Variants in VWC2L observed in about 807,000 individuals in gnomAD.
VWC2L encodes the protein von Willebrand factor C domain-containing protein 2-like.
VWC2L carries 10 observed loss-of-function variants against 21.6 expected under a neutral mutation model. That is an observed-to-expected ratio of 0.46 (90% confidence interval 0.29 to 0.78). The LOEUF (loss-of-function observed/expected upper bound fraction) is 0.78. VWC2L is among the 30% of genes least tolerant of loss of function. The probability of loss-of-function intolerance (pLI) is 0.10; values close to 1 mark genes in which losing one functional copy is unlikely to be tolerated. For missense variants in VWC2L, 209 were observed against 277.1 expected, an observed-to-expected ratio of 0.75 and a Z score of 1.74; for synonymous variants, 96 against 94.3, an observed-to-expected ratio of 1.02 and a Z score of -0.10.
At chr2:214,454,597 TC>T (rs1299413609) in intron 3 of VWC2L, among the ~76,000 whole-genome samples, 8 of 134,560 alleles carry the variant, frequency 5.9e-5, no homozygotes, top group Non-Finnish European at 9.4e-5. Flanking sequence ...TGATTGATTT[TC>T]TTTTTTTTTT....
At chr2:214,480,952 T>A (rs1302150041) in intron 3 of VWC2L, among the ~76,000 whole-genome samples, 1 of 150,540 alleles carries the variant, frequency 6.6e-6, no homozygotes, top group Non-Finnish European at 1.5e-5. Context: ...TAATCTCTGC[T>A]GCAAAAGATG....
chr2:214,464,943 C>T (rs1314386256), intron 3 of VWC2L, among the ~76,000 whole-genome samples: 1 of 152,204 alleles, frequency 6.6e-6, no homozygotes, highest in Admixed American at 6.5e-5. Flanking sequence ...CAATTACTGT[C>T]TGGCTACTGT....
At chr2:214,562,013 T>C (rs1689983150) in intron 3 of VWC2L, among the ~76,000 whole-genome samples, 1 of 152,036 alleles carries the variant, frequency 6.6e-6, no homozygotes, top group South Asian at 2.1e-4. Flanking sequence ...TAAAGGTCTG[T>C]GGTACATGTA....
chr2:214,513,342 G>T (rs114253323), intron 3 of VWC2L, among the ~76,000 whole-genome samples: 1 of 152,122 alleles, frequency 6.6e-6, no homozygotes, highest in Non-Finnish European at 1.5e-5. Context: ...TGCAAGCCAG[G>T]CAAATAGTTT....
At position 214,563,546 on chromosome 2, in the gene VWC2L, C is replaced by CAAAAAAAAAAAAAAAAA. The variant is rs55864016; in HGVS notation, c.521-12107_521-12091dup. On this transcript the variant is annotated intron_variant, in intron 3 of 3. Transcript: ENST00000312504. ...TGGGTGACACAGCAAGACTCCGTCT[C>CAAAAAAAAAAAAAAAAA]AAAAAAAAAAAAAAAAAAAAAAAAA... is the stretch of plus-strand genomic sequence containing the variant. 2.2e-3 allele frequency among the ~76,000 whole-genome samples: 208 copies of CAAAAAAAAAAAAAAAAA among 95,816 alleles called. 8 individuals are homozygous for CAAAAAAAAAAAAAAAAA. Among genetic ancestry groups the CAAAAAAAAAAAAAAAAA allele is most frequent in the Non-Finnish European group, 2.7e-3 (132 of 48,188 alleles). The allele number at this position is 95,816 out of a possible 152,430, so 62.9% of individuals were successfully genotyped here.
intron 1 of VWC2L, 65 bp from the exon 2 acceptor site, chr2:214,414,049 G>C: frequency 1.1e-6 from 1 of 906,698 alleles, no homozygotes; most frequent in South Asian, 2.0e-5. Context: ...TAAGAGCGTG[G>C]GCTTAAATGA....
intron 3 of VWC2L, among the ~76,000 whole-genome samples, chr2:214,488,123 T>C (rs542880490): frequency 4.6e-5 from 7 of 152,278 alleles, no homozygotes; most frequent in African/African-American, 1.4e-4. Flanking sequence ...AATTCTATCC[T>C]CTCCTCCACC....
intron 3 of VWC2L, among the ~76,000 whole-genome samples, chr2:214,548,693 T>A (rs1027064240): frequency 6.6e-6 from 1 of 152,210 alleles, no homozygotes; most frequent in African/African-American, 2.4e-5. Context: ...GGTGGCCAAC[T>A]ATTTTAACTC....
intron 2 of VWC2L, among the ~76,000 whole-genome samples, chr2:214,435,492 T>C (rs1043941679): frequency 6.6e-6 from 1 of 152,058 alleles, no homozygotes; most frequent in Non-Finnish European, 1.5e-5. Flanking sequence ...AGTTGAAGGG[T>C]TTCCACTATA....
At chr2:214,413,034 C>T (rs1227970592) in intron 1 of VWC2L, among the ~76,000 whole-genome samples, 4 of 152,088 alleles carry the variant, frequency 2.6e-5, no homozygotes, top group Non-Finnish European at 4.4e-5. Flanking sequence ...ACTCCCAACA[C>T]TTCACATCAA....
intron 3 of VWC2L, among the ~76,000 whole-genome samples, chr2:214,565,784 T>C (rs572729562): frequency 6.6e-6 from 1 of 152,294 alleles, no homozygotes; most frequent in East Asian, 1.9e-4. Context: ...TTCTAAGTGC[T>C]TTGCATATGT....
intron 2 of VWC2L, among the ~76,000 whole-genome samples, chr2:214,418,554 C>T (rs1016896994): frequency 1.3e-5 from 2 of 152,174 alleles, no homozygotes; most frequent in Non-Finnish European, 2.9e-5. Context: ...CCACTCGTCT[C>T]TTCCATTAGT....
intron 3 of VWC2L, among the ~76,000 whole-genome samples, chr2:214,571,902 T>A (rs1690155270): frequency 6.6e-6 from 1 of 152,156 alleles, no homozygotes; most frequent in African/African-American, 2.4e-5. Context: ...TTCTCCACAG[T>A]CAGCCTCCCC....
At chr2:214,517,542 C>T (rs973032506) in intron 3 of VWC2L, among the ~76,000 whole-genome samples, 1 of 152,144 alleles carries the variant, frequency 6.6e-6, no homozygotes, top group African/African-American at 2.4e-5. Flanking sequence ...CAGTTGATTA[C>T]ACTGTGGGAC....
At chr2:214,519,808 G>T (rs959278431) in intron 3 of VWC2L, among the ~76,000 whole-genome samples, 1 of 152,026 alleles carries the variant, frequency 6.6e-6, no homozygotes, top group African/African-American at 2.4e-5. Context: ...ACTCCCCCTA[G>T]GTTCACACGC....
intron 3 of VWC2L, among the ~76,000 whole-genome samples, chr2:214,515,762 T>C (rs1574609732): frequency 6.6e-6 from 1 of 152,146 alleles, no homozygotes; most frequent in South Asian, 2.1e-4. Context: ...ACCATGTTGG[T>C]CAGGCAGGTC....
intron 3 of VWC2L, among the ~76,000 whole-genome samples, chr2:214,486,420 CCTTCT>C (rs1365201186): frequency 2.0e-5 from 3 of 152,156 alleles, no homozygotes; most frequent in African/African-American, 7.2e-5. Context: ...CAGATTGTCA[CCTTCT>C]CTTAATTATT....
At chr2:214,476,790 TC>T (rs1688532289) in intron 3 of VWC2L, among the ~76,000 whole-genome samples, 1 of 152,194 alleles carries the variant, frequency 6.6e-6, no homozygotes, top group Non-Finnish European at 1.5e-5. Context: ...CTCTCCTCTC[TC>T]TCCCTTTTAA....
chr2:214,467,111 AG>A (rs1188835848), intron 3 of VWC2L, among the ~76,000 whole-genome samples: 1 of 152,220 alleles, frequency 6.6e-6, no homozygotes, highest in African/African-American at 2.4e-5. Flanking sequence ...TTACCAGTAC[AG>A]CACTTAGTCT....
Sources: gnomAD v4.1 joint callset for allele counts (sites outside exome capture counted in the v4.1 genomes callset) on GRCh38, gnomAD v4.1.1 for gene constraint, MANE v1.5 for transcripts, NCBI Gene and HGNC (gene_info 2026-07-23, HGNC 2026-07-21) for gene names.